Variants in NRXN3 observed in about 807,000 individuals in gnomAD.
The protein encoded by NRXN3 is neurexin 3, also known as neurexin III.
NRXN3 carries 32 observed loss-of-function variants against 137.6 expected under a neutral mutation model. The ratio of observed to expected loss-of-function variants is 0.23; its 90% CI spans 0.18 to 0.31. The LOEUF (loss-of-function observed/expected upper bound fraction) is 0.31. Among genes scored for constraint, NRXN3 ranks in the 10% least tolerant of loss-of-function variants. NRXN3 has a pLI of 1.00. For synonymous variants in NRXN3, 798 were observed against 784.5 expected (o/e 1.02, Z -0.29); for missense variants, 1,574 against 2,062.5 (o/e 0.76, Z 4.59).
chr14:78,500,829 T>C (rs182279209), intron 4 of NRXN3, among the ~76,000 whole-genome samples: 3 of 152,308 alleles, frequency 2.0e-5, no homozygotes, highest in Admixed American at 2.0e-4. Flanking sequence ...TGAGCATTTT[T>C]TATGATCCAG....
intron 15 of NRXN3, among the ~76,000 whole-genome samples, chr14:79,096,740 T>C (rs776991365): frequency 2.0e-5 from 3 of 152,134 alleles, no homozygotes; most frequent in Non-Finnish European, 4.4e-5. Context: ...CTGCTGCCCA[T>C]ATTCCCCTCC....
chr14:79,094,971 A>AGTGTGTGTGTGTGT (rs1178553706), intron 15 of NRXN3, among the ~76,000 whole-genome samples: 2 of 100,284 alleles, frequency 2.0e-5, no homozygotes, highest in African/African-American at 7.1e-5. Flanking sequence ...AGAGAGAGAG[A>AGTGTGTGTGTGTGT]GAGAGAGAGT....
At chr14:78,219,585 C>A (rs961937596) in intron 1 of NRXN3, among the ~76,000 whole-genome samples, 1 of 152,156 alleles carries the variant, frequency 6.6e-6, no homozygotes, top group African/African-American at 2.4e-5. Flanking sequence ...CTTAATTTTC[C>A]CCACCTCTAA....
At chr14:78,341,163 C>T (rs1439630025) in intron 4 of NRXN3, among the ~76,000 whole-genome samples, 1 of 152,044 alleles carries the variant, frequency 6.6e-6, no homozygotes, top group Non-Finnish European at 1.5e-5. Flanking sequence ...GTGAGATTCT[C>T]ATGAGGGCAT....
chr14:79,610,140 A>T lies in NRXN3; in HGVS notation c.3445-53638A>T, dbSNP rs146622118. ...CACAAATAGTGTCACATATAGTATA[A>T]TAATGATATGGATATGGCCTAATTC... On this transcript the variant is annotated intron_variant, in intron 16 of 20. Coordinates refer to ENST00000335750, the MANE Select transcript of NRXN3 (RefSeq NM_001330195.2). Among the ~76,000 whole-genome samples the T allele has an allele frequency of 4.3e-3, 658 of 152,304 alleles. 5 individuals carry two copies. The highest frequency in any genetic ancestry group is 0.015 in the African/African-American group (629 of 41,560).
At chr14:78,841,289 T>A (rs2099011693) in intron 10 of NRXN3, among the ~76,000 whole-genome samples, 2 of 152,098 alleles carry the variant, frequency 1.3e-5, no homozygotes, top group South Asian at 4.1e-4. Flanking sequence ...TGGATGATGA[T>A]GATGATTATT....
At chr14:79,198,189 T>A (rs2065402483) in intron 15 of NRXN3, among the ~76,000 whole-genome samples, 1 of 152,238 alleles carries the variant, frequency 6.6e-6, no homozygotes, top group Admixed American at 6.5e-5. Flanking sequence ...TGGAAGCATG[T>A]TCTCCTTCCC....
chr14:79,390,839 T>A (rs1431837036), intron 15 of NRXN3, among the ~76,000 whole-genome samples: 2 of 152,176 alleles, frequency 1.3e-5, no homozygotes, highest in Non-Finnish European at 2.9e-5. Flanking sequence ...TGGGGCCTGA[T>A]AAGAGGTGAT....
intron 4 of NRXN3, among the ~76,000 whole-genome samples, chr14:78,589,789 G>A (rs754712852): frequency 2.6e-5 from 4 of 152,100 alleles, no homozygotes; most frequent in African/African-American, 2.4e-5. Flanking sequence ...GCTGGATTCC[G>A]CAGGAGGGAG....
chr14:79,381,675 G>A (rs1243682164), intron 15 of NRXN3, among the ~76,000 whole-genome samples: 1 of 152,110 alleles, frequency 6.6e-6, no homozygotes, highest in African/African-American at 2.4e-5. Context: ...TTTGTCCTGT[G>A]GTTTTTGTAA....
At chr14:79,630,082 G>A (rs991347572) in intron 16 of NRXN3, among the ~76,000 whole-genome samples, 3 of 152,200 alleles carry the variant, frequency 2.0e-5, no homozygotes, top group African/African-American at 7.2e-5. Context: ...TGCAATGCAA[G>A]TAAGCCACTT....
chr14:79,231,348 C>T (rs375846373), intron 15 of NRXN3, among the ~76,000 whole-genome samples: 1 of 152,114 alleles, frequency 6.6e-6, no homozygotes, highest in African/African-American at 2.4e-5. Context: ...TTTATTTCTC[C>T]TAAGTTTCAG....
intron 1 of NRXN3, among the ~76,000 whole-genome samples, chr14:78,194,655 T>C (rs541493552): frequency 7.8e-4 from 119 of 151,964 alleles, no homozygotes; most frequent in African/African-American, 2.8e-3. Context: ...TGCGGGTGGG[T>C]TAGAAGGAGA....
chr14:79,192,551 G>A (rs942867148), intron 15 of NRXN3, among the ~76,000 whole-genome samples: 5 of 151,990 alleles, frequency 3.3e-5, no homozygotes, highest in African/African-American at 4.8e-5. Context: ...CTCAAATCCA[G>A]CACAGTGAAA....
intron 10 of NRXN3, among the ~76,000 whole-genome samples, chr14:78,924,011 A>G (rs1028976100): frequency 3.3e-5 from 5 of 152,200 alleles, no homozygotes; most frequent in Non-Finnish European, 5.9e-5. Flanking sequence ...GCACTTTGGG[A>G]GGCTGAGGCG....
At chr14:78,430,015 C>T (rs2093814179) in intron 4 of NRXN3, among the ~76,000 whole-genome samples, 1 of 152,164 alleles carries the variant, frequency 6.6e-6, no homozygotes, top group South Asian at 2.1e-4. Context: ...AGGAAGATTG[C>T]TTGAGGCCAG....
At chr14:78,439,513 G>A (rs1196280157) in intron 4 of NRXN3, among the ~76,000 whole-genome samples, 1 of 152,208 alleles carries the variant, frequency 6.6e-6, no homozygotes, top group East Asian at 1.9e-4. Context: ...ACAAAGAGAA[G>A]TTAATTGCCT....
chr14:78,817,577 G>A lies in NRXN3; in HGVS notation c.2275+7233G>A, dbSNP rs138980360. Among the ~76,000 whole-genome samples the A allele has an allele frequency of 1.8e-3, 270 of 152,240 alleles. 1 individual carries two copies. The highest frequency in any genetic ancestry group is 2.8e-3 in the Non-Finnish European group (193 of 68,030). ...TCTGGTGGCTGAAAGTTTCAAGAGC[G>A]GGCAGTTGCATTTGGCGAGGGCTTC... On this transcript the variant is annotated intron_variant, in intron 10 of 20. Coordinates refer to ENST00000335750, the MANE Select transcript of NRXN3 (RefSeq NM_001330195.2).
intron 6 of NRXN3, among the ~76,000 whole-genome samples, chr14:78,673,959 A>G (rs1342339274): frequency 6.6e-6 from 1 of 152,222 alleles, no homozygotes; most frequent in African/African-American, 2.4e-5. Flanking sequence ...GTAAGACAGC[A>G]TATCCAAGAC....
Sources: gnomAD v4.1 joint callset for allele counts (sites outside exome capture counted in the v4.1 genomes callset) on GRCh38, gnomAD v4.1.1 for gene constraint, MANE v1.5 for transcripts, NCBI Gene and HGNC (gene_info 2026-07-23, HGNC 2026-07-21) for gene names.